Variants in CRACD observed in about 807,000 individuals in gnomAD.
CRACD encodes capping protein inhibiting regulator of actin dynamics.
A neutral mutation model predicts 106.8 loss-of-function variants in CRACD; 56 were observed. The observed-to-expected ratio is 0.52, with a 90% CI of 0.42 to 0.66. The LOEUF is 0.66. Among genes scored for constraint, CRACD ranks in the 30% least tolerant of loss-of-function variants. The pLI is 0.00. For missense variants in CRACD, 1,730 were observed against 1,623.2 expected, an observed-to-expected ratio of 1.07 and a Z score of -1.13; for synonymous variants, 754 against 670.8, an observed-to-expected ratio of 1.12 and a Z score of -1.92.
At chr4:56,115,903 T>A (rs892780808) in intron 1 of CRACD, among the ~76,000 whole-genome samples, 2 of 152,200 alleles carry the variant, frequency 1.3e-5, no homozygotes, top group African/African-American at 4.8e-5. Context: ...ATAAACTGGA[T>A]TTTTCAGTCA....
At chr4:56,049,946 A>C (rs1731814248) in intron 1 of CRACD, 1 of 151,764 alleles carries the variant, frequency 6.6e-6, no homozygotes, top group Non-Finnish European at 1.5e-5. Flanking sequence ...TTTTCCTGGC[A>C]CTATAACCGT....
At chr4:56,098,886 G>A (rs1733684434) in intron 1 of CRACD, among the ~76,000 whole-genome samples, 1 of 152,146 alleles carries the variant, frequency 6.6e-6, no homozygotes, top group African/African-American at 2.4e-5. Flanking sequence ...TATTGGCCAG[G>A]CTGGTCTTGA....
At chr4:56,092,117 TC>T (rs1733441529) in intron 1 of CRACD, among the ~76,000 whole-genome samples, 1 of 152,128 alleles carries the variant, frequency 6.6e-6, no homozygotes, top group Non-Finnish European at 1.5e-5. Flanking sequence ...GTGATAAGTG[TC>T]AAGAAGAAAA....
At chr4:56,281,043 T>A (rs1367514176) in intron 3 of CRACD, among the ~76,000 whole-genome samples, 1 of 152,142 alleles carries the variant, frequency 6.6e-6, no homozygotes, top group Non-Finnish European at 1.5e-5. Flanking sequence ...GAGCTGAATA[T>A]GTCTAGAGAA....
chr4:56,315,895 T>C lies in CRACD; in HGVS notation c.2393T>C (p.Phe798Ser), dbSNP rs1189229064. 3 of 1,614,118 alleles carry C rather than the reference T, an allele frequency of 1.9e-6. No individual in the cohort carries two copies. The highest frequency in any genetic ancestry group is 2.2e-5 in the East Asian group (1 of 44,854). The change falls in exon 8 of 11, where the codon TTC (phenylalanine) becomes TCC (serine). Residue 798 changes from phenylalanine to serine, a missense_variant. Coordinates refer to ENST00000682029, the MANE Select transcript of CRACD (RefSeq NM_001393381.1). The surrounding 1 kb of genome is among the most constrained non-coding windows in gnomAD (Gnocchi z 4.1). ...GCKFAKDLPS[F>S]LVPSLPYPPQ... ...AAATTTGCCAAAGACCTCCCGTCTT[T>C]CCTTGTCCCAAGCCTTCCTTACCCT...
chr4:56,156,347 C>G (rs1378808770), intron 1 of CRACD, among the ~76,000 whole-genome samples: 1 of 152,184 alleles, frequency 6.6e-6, no homozygotes, highest in African/African-American at 2.4e-5. Flanking sequence ...CTGGGCGCCT[C>G]CAGCTGAGTT....
intron 1 of CRACD, among the ~76,000 whole-genome samples, chr4:56,121,470 C>A (rs1474207858): frequency 1.4e-4 from 21 of 151,966 alleles, no homozygotes; most frequent in Non-Finnish European, 4.4e-5. Context: ...ATGGTGAAAC[C>A]CCATCTCTAC....
chr4:56,273,121 T>C (rs1303919900), intron 3 of CRACD, among the ~76,000 whole-genome samples: 1 of 152,142 alleles, frequency 6.6e-6, no homozygotes, highest in African/African-American at 2.4e-5. Flanking sequence ...TGAAGAAGAC[T>C]GTGTTTCCTT....
At chr4:56,255,017 G>A (rs1741269191) in intron 2 of CRACD, among the ~76,000 whole-genome samples, 1 of 150,286 alleles carries the variant, frequency 6.7e-6, no homozygotes, top group Admixed American at 6.7e-5. Flanking sequence ...GGGAGACTGA[G>A]GCAGGCAAAT....
At chr4:56,072,831 C>G (rs1317054486) in intron 1 of CRACD, among the ~76,000 whole-genome samples, 1 of 152,064 alleles carries the variant, frequency 6.6e-6, no homozygotes, top group Non-Finnish European at 1.5e-5. Flanking sequence ...GTTCAATTCC[C>G]ATTTATGAGT....
intron 1 of CRACD, among the ~76,000 whole-genome samples, chr4:56,095,914 A>G (rs1560449551): frequency 6.6e-6 from 1 of 152,122 alleles, no homozygotes; most frequent in Non-Finnish European, 1.5e-5. Context: ...TATATTTCAT[A>G]TTTTCAAAGA....
At chr4:56,105,092 A>G (rs1314588663) in intron 1 of CRACD, among the ~76,000 whole-genome samples, 1 of 152,230 alleles carries the variant, frequency 6.6e-6, no homozygotes, top group African/African-American at 2.4e-5. Context: ...GACTCTTTAC[A>G]GTAATTAAAA....
chr4:56,302,392 T>A (rs1460588813), intron 4 of CRACD, among the ~76,000 whole-genome samples: 1 of 152,174 alleles, frequency 6.6e-6, no homozygotes, highest in African/African-American at 2.4e-5. Context: ...AGGCTGCAGG[T>A]AATTGTTAGG....
At position 56,314,562 on chromosome 4, in the gene CRACD, T is replaced by A. The variant is rs776640327; in HGVS notation, c.1060T>A (p.Cys354Ser). ...GCGGCAGGAGGAGGAGGAAGGAAGA[T>A]GCGCGGAGGAGCTCAAAAGGCAGGA... Reference protein sequence around the residue: ...RRRQEEEEGRCAEELKRQEEE... With the variant: ...RRRQEEEEGRSAEELKRQEEE... The change falls in exon 8 of 11, where the codon TGC (cysteine) becomes AGC (serine). Residue 354 changes from cysteine (C) to serine (S), a missense_variant. Physicochemically the swap from Cys to Ser is moderately radical, Grantham distance 112. Coordinates refer to ENST00000682029, the MANE Select transcript of CRACD (RefSeq NM_001393381.1). This position sits in a 1 kb window ranked among gnomAD's most constrained non-coding sequence, Gnocchi z 4.4. 5.3e-6 allele frequency: 8 copies of A among 1,503,486 alleles called. No homozygotes were observed. The highest frequency in any genetic ancestry group is 6.2e-6 in the Non-Finnish European group (7 of 1,129,208). The allele number at this position is 1,503,486 out of a possible 1,614,324, so 93.1% of individuals were successfully genotyped here.
At chr4:56,070,127 CT>C (rs1297294187) in intron 1 of CRACD, among the ~76,000 whole-genome samples, 1 of 152,144 alleles carries the variant, frequency 6.6e-6, no homozygotes, top group Non-Finnish European at 1.5e-5. Flanking sequence ...GCCTTCTTTG[CT>C]TGGTTCACGG....
intron 2 of CRACD, among the ~76,000 whole-genome samples, chr4:56,239,712 CTTT>C (rs1387560346): frequency 1.3e-5 from 2 of 152,088 alleles, no homozygotes; most frequent in East Asian, 3.9e-4. Context: ...TTAAATAAAC[CTTT>C]GTGATAACAA....
At chr4:56,279,963 A>C (rs1275072952) in intron 3 of CRACD, among the ~76,000 whole-genome samples, 1 of 152,004 alleles carries the variant, frequency 6.6e-6, no homozygotes, top group Non-Finnish European at 1.5e-5. Context: ...CTATGCAGCC[A>C]TAAAAAATGA....
chr4:56,061,148 A>G (rs1732255405), intron 1 of CRACD, among the ~76,000 whole-genome samples: 2 of 152,140 alleles, frequency 1.3e-5, no homozygotes, highest in Admixed American at 1.3e-4. Flanking sequence ...TTCTCACTCC[A>G]CTTTTCTGAG....
chr4:56,106,480 C>T (rs1733952920), intron 1 of CRACD, among the ~76,000 whole-genome samples: 1 of 152,174 alleles, frequency 6.6e-6, no homozygotes. Flanking sequence ...CTGTCACTGT[C>T]AATCTAAATA....
Sources: gnomAD v4.1 joint callset for allele counts (sites outside exome capture counted in the v4.1 genomes callset) on GRCh38, gnomAD v4.1.1 for gene constraint, Gnocchi (gnomAD v3.1) non-coding constraint, MANE v1.5 for transcripts, NCBI Gene and HGNC (gene_info 2026-07-23, HGNC 2026-07-21) for gene names.